The following PTPRE variants were observed in gnomAD, a reference collection of about 807,000 sequenced individuals.
PTPRE encodes the protein receptor-type tyrosine-protein phosphatase epsilon.
Under a neutral mutation model 102.0 loss-of-function variants are expected in PTPRE, and 51 were observed. The ratio of observed to expected loss-of-function variants is 0.50; its 90% CI spans 0.40 to 0.63. The LOEUF (loss-of-function observed/expected upper bound fraction) is 0.63, where lower values mean the gene tolerates loss of function less well. Among genes scored for constraint, PTPRE ranks in the 30% least tolerant of loss-of-function variants. The pLI is 0.00. For synonymous variants in PTPRE, 345 were observed against 348.2 expected, an observed-to-expected ratio of 0.99 and a Z score of 0.10; for missense variants, 752 against 915.1, an observed-to-expected ratio of 0.82 and a Z score of 2.30.
At chr10:127,979,455 A>T (rs1188292319) in intron 1 of PTPRE, among the ~76,000 whole-genome samples, 1 of 152,212 alleles carries the variant, frequency 6.6e-6, no homozygotes, top group Non-Finnish European at 1.5e-5. Flanking sequence ...TAAGAAACTG[A>T]TAGTTGTGGT....
chr10:128,026,465 G>A (rs1251699974), intron 2 of PTPRE, among the ~76,000 whole-genome samples: 3 of 152,310 alleles, frequency 2.0e-5, no homozygotes, highest in Non-Finnish European at 2.9e-5. Flanking sequence ...GGGTCAGCTC[G>A]GGCTTGTCCG....
At position 127,958,918 on chromosome 10, in the gene PTPRE, C is replaced by T. The variant is rs571690302; in HGVS notation, c.-30-23356C>T. ...TTTTTTTTTTTTTTTTTTCCTGAGA[C>T]GGAGTTTCACTCTTGTTGCCCAGGC... On this transcript the variant is annotated intron_variant, in intron 1 of 20. Transcript: ENST00000254667. Among the ~76,000 whole-genome samples the T allele has an allele frequency of 1.9e-3, 250 of 129,790 alleles. 5 individuals are homozygous for T. The highest frequency in any genetic ancestry group is 1.4e-3 in the Non-Finnish European group (91 of 63,754). 85.1% of individuals were successfully genotyped at this position (129,790 alleles called of 152,430 possible).
In PTPRE at chr10:128,045,587, C is replaced by T. The variant is rs568938122; in HGVS notation, c.110-1803C>T. On this transcript the variant is annotated intron_variant, in intron 3 of 20. Transcript: ENST00000254667. ...CTGGAGTGTGAGCAGCAGCCAGGCC[C>T]TCCGTGGGGCTGGGCTCCAGGCTGC... Among the ~76,000 whole-genome samples, 768 of 152,296 alleles carry T rather than the reference C, an allele frequency of 5.0e-3. 6 individuals are homozygous for T. The highest frequency in any genetic ancestry group is 8.5e-3 in the Non-Finnish European group (577 of 68,016).
intron 1 of PTPRE, among the ~76,000 whole-genome samples, chr10:127,962,805 A>T (rs1849931686): frequency 6.6e-6 from 1 of 152,200 alleles, no homozygotes; most frequent in Non-Finnish European, 1.5e-5. Flanking sequence ...AGCCTACAGT[A>T]CCAGGCAGTC....
chr10:127,999,718 G>A (rs572994599), intron 2 of PTPRE: 2 of 984,420 alleles, frequency 2.0e-6, no homozygotes, highest in African/African-American at 3.5e-5. Context: ...GAGATGAGCG[G>A]TCTCTCCTGT....
chr10:128,024,619 C>T lies in PTPRE; in HGVS notation c.-7-16256C>T, dbSNP rs139586516. ...CTTAACAGACTTGCTGACTCGCCAG[C>T]GTTCTTACCGGTCCTTGGCCTGGGT... On this transcript the variant is annotated intron_variant, in intron 2 of 20. Transcript: ENST00000254667. 5.4e-3 allele frequency among the ~76,000 whole-genome samples: 820 copies of T among 152,302 alleles called. 3 individuals carry two copies. Among genetic ancestry groups the T allele is most frequent in the African/African-American group, 0.018 (761 of 41,566 alleles).
intron 2 of PTPRE, among the ~76,000 whole-genome samples, chr10:128,030,486 C>T (rs1846652607): frequency 2.0e-5 from 3 of 152,060 alleles, no homozygotes; most frequent in Admixed American, 2.0e-4. Context: ...GCTCCGTGGC[C>T]CGGGCCCTTC....
intron 2 of PTPRE, chr10:127,987,396 G>A: frequency 8.0e-7 from 1 of 1,255,288 alleles, no homozygotes; most frequent in Non-Finnish European, 1.0e-6. Context: ...AAGACAAGAG[G>A]TAACGGGGAG....
chr10:128,020,779 C>T (rs909655021), intron 2 of PTPRE, among the ~76,000 whole-genome samples: 6 of 152,102 alleles, frequency 3.9e-5, no homozygotes, highest in Non-Finnish European at 5.9e-5. Context: ...GCATCCTGAG[C>T]GGGCAGTGGG....
intron 2 of PTPRE, among the ~76,000 whole-genome samples, chr10:128,004,748 T>C (rs548742507): frequency 3.7e-4 from 57 of 152,360 alleles, no homozygotes; most frequent in African/African-American, 1.2e-3. Flanking sequence ...TTCAGTTCTT[T>C]TGGATATATA....
rs1837238853 is a variant in PTPRE, at chr10:128,070,714, A to G, written c.1294-94A>G. 2.2e-6 allele frequency: 3 copies of G among 1,369,766 alleles called. No individual in the cohort carries two copies. The highest frequency in any genetic ancestry group is 2.0e-5 in the Admixed American group (1 of 50,502). The allele number at this position is 1,369,766 out of a possible 1,614,324, so 84.9% of individuals were successfully genotyped here. On this transcript the variant is annotated intron_variant, in intron 14 of 20. Transcript: ENST00000254667. This position sits in a 1 kb window ranked among gnomAD's most constrained non-coding sequence, Gnocchi z 4.8. ...GGTTGGAGAGTGGTTTCCTTTGAGCAGGCGTCCTTGCCAGCAGCACTAGTC... is the reference window on the plus strand; with the variant it reads ...GGTTGGAGAGTGGTTTCCTTTGAGCGGGCGTCCTTGCCAGCAGCACTAGTC...
chr10:128,071,982 T>G, intron 15 of PTPRE, 156 bp from the exon 16 acceptor site: 1 of 582,874 alleles, frequency 1.7e-6, no homozygotes, highest in Non-Finnish European at 3.0e-6. Context: ...TGAGCCACTT[T>G]AATTATCGTC....
rs993389494 is a variant in PTPRE at position 128,030,241 on chromosome 10, C to T, written c.-7-10634C>T. Reference sequence around the variant, plus strand: ...GCTGCCCTGGCGAACAACGGGGCCACGCCGTTACAATAACCAGCCCTTGCC... The same window carrying T: ...GCTGCCCTGGCGAACAACGGGGCCATGCCGTTACAATAACCAGCCCTTGCC... On this transcript the variant is annotated intron_variant, in intron 2 of 20. Transcript: ENST00000254667. Among the ~76,000 whole-genome samples, 4 of 152,196 alleles carry T rather than the reference C, an allele frequency of 2.6e-5. 1 individual carries two copies. The highest frequency in any genetic ancestry group is 4.1e-4 in the South Asian group (2 of 4,828).
intron 19 of PTPRE, among the ~76,000 whole-genome samples, chr10:128,078,972 C>T (rs1851466449): frequency 6.6e-6 from 1 of 152,166 alleles, no homozygotes; most frequent in Non-Finnish European, 1.5e-5. Flanking sequence ...CTACGAGGGC[C>T]TGGGCTCTGC....
intron 1 of PTPRE, among the ~76,000 whole-genome samples, chr10:127,933,677 C>T (rs1302850971): frequency 1.3e-5 from 2 of 152,178 alleles, no homozygotes; most frequent in South Asian, 2.1e-4. Flanking sequence ...ATCTAAGGCT[C>T]CCTGGCATTT....
At chr10:128,052,697 T>A (rs984189275) in intron 6 of PTPRE, among the ~76,000 whole-genome samples, 1 of 152,214 alleles carries the variant, frequency 6.6e-6, no homozygotes, top group Non-Finnish European at 1.5e-5. Flanking sequence ...GGCTCGTCCC[T>A]ACCTCCATCC....
chr10:127,978,666 T>C lies in PTPRE; in HGVS notation c.-30-3608T>C, dbSNP rs374722499. On this transcript the variant is annotated intron_variant, in intron 1 of 20. Transcript: ENST00000254667. ...CCGGGCCGGCATTGCCGCTGCCCTG[T>C]CTCCTCGCTCTGTGATGCTGGTCCA... Among the ~76,000 whole-genome samples the C allele has an allele frequency of 2.8e-4, 43 of 152,320 alleles. No individual in the cohort carries two copies. In the East Asian group the frequency reaches 4.8e-3, roughly 17 times the overall value.
chr10:128,029,822 C>T (rs1590066712), intron 2 of PTPRE, among the ~76,000 whole-genome samples: 1 of 152,206 alleles, frequency 6.6e-6, no homozygotes, highest in Admixed American at 6.6e-5. Context: ...TCTTAGGGGC[C>T]GCCAGCTTCC....
chr10:127,940,242 T>C (rs1045443497), intron 1 of PTPRE, among the ~76,000 whole-genome samples: 6 of 152,264 alleles, frequency 3.9e-5, no homozygotes, highest in African/African-American at 1.4e-4. Context: ...CTAAACACTC[T>C]GCTCTGACTT....
Sources: allele counts gnomAD v4.1 joint callset (sites outside exome capture counted in the v4.1 genomes callset), GRCh38; gene constraint gnomAD v4.1.1; non-coding constraint Gnocchi (gnomAD v3.1); transcripts MANE v1.5; gene names NCBI Gene and HGNC (gene_info 2026-07-23, HGNC 2026-07-21).